TMEM41A: variants seen among roughly 807,000 people sequenced by gnomAD.
The protein encoded by TMEM41A is transmembrane protein 41A.
TMEM41A carries 20 observed loss-of-function variants against 25.7 expected under a neutral mutation model. The ratio of observed to expected loss-of-function variants is 0.78; its 90% confidence interval spans 0.55 to 1.13. The LOEUF is 1.13. TMEM41A is among the 50% of genes most tolerant of loss of function. The pLI is 0.00. For missense variants in TMEM41A, 299 were observed against 314.3 expected (o/e 0.95, Z 0.37); for synonymous variants, 133 against 139.6 (o/e 0.95, Z 0.33).
intron 1 of TMEM41A, among the ~76,000 whole-genome samples, chr3:185,498,081 A>ACCCC (rs573414045): frequency 2.4e-5 from 2 of 85,098 alleles, no homozygotes; most frequent in African/African-American, 8.9e-5. Context: ...ACATAATGAG[A>ACCCC]CCCCCCCCCC....
Position 185,490,460 on chromosome 3 carries a change from A to T in TMEM41A, c.*1077T>A, listed in dbSNP as rs1159710200. 6.6e-6 allele frequency: 1 copy of T among 152,192 alleles called. No homozygotes were observed. Among genetic ancestry groups the T allele is most frequent in the East Asian group, 1.9e-4 (1 of 5,198 alleles). 9.4% of individuals were successfully genotyped at this position (152,192 alleles called of 1,614,324 possible). A position where few individuals can be genotyped will look rare whatever the true frequency, so the allele number is the denominator to read the frequency against. On this transcript the variant is annotated 3_prime_UTR_variant, in exon 5 of 5. Coordinates refer to ENST00000421852, the MANE Select transcript of TMEM41A (RefSeq NM_080652.4). ...TCAGGTGAGTCAAGGGCCCTGCCCC[A>T]TCCAGATGGGTAAGAATTTCTCCAG...
chr3:185,491,622 G>C lies in TMEM41A; in HGVS notation c.710C>G (p.Thr237Ser). Residue 237 changes from threonine (T) to serine (S), a missense_variant, in exon 5 of 5, where the codon ACC (threonine) becomes AGC (serine). Thr to Ser is a moderately conservative substitution (Grantham distance 58). Transcript: ENST00000421852. ...TTTCTGACTAAATTTTTTAATGAGG[G>C]TTCCAGGAATTAATGCCACCATGGC... is the stretch of plus-strand genomic sequence containing the variant. ...AIAMVALIPG[T>S]LIKKFSQKHL... is the part of the protein sequence containing the mutation. 1 of 1,614,168 alleles carries C rather than the reference G, an allele frequency of 6.2e-7. No homozygotes were observed. The highest frequency in any genetic ancestry group is 1.3e-5 in the African/African-American group (1 of 75,032).
chr3:185,497,035 A>G (rs1719124301), intron 1 of TMEM41A, 54 bp from the exon 2 acceptor site: 2 of 1,540,588 alleles, frequency 1.3e-6, no homozygotes, highest in Admixed American at 4.0e-5. Context: ...TCCAGTGCCC[A>G]TGAAAGTCAC....
chr3:185,499,016 G>A lies in TMEM41A; in HGVS notation c.-55C>T, dbSNP rs1719200044. On this transcript the variant is annotated 5_prime_UTR_variant, in exon 1 of 5. Coordinates refer to ENST00000421852, the MANE Select transcript of TMEM41A (RefSeq NM_080652.4). ...GCCGAGAAGCTCACTTGCACTCCGG[G>A]ACGCAGCGGCGGGCGGACTGAGCCC... 2.0e-6 allele frequency: 3 copies of A among 1,484,804 alleles called. No homozygotes were observed. Among genetic ancestry groups the A allele is most frequent in the South Asian group, 2.4e-5 (2 of 82,804 alleles). 92.0% of individuals were successfully genotyped at this position (1,484,804 alleles called of 1,614,324 possible). A position where few individuals can be genotyped will look rare whatever the true frequency, so the allele number is the denominator to read the frequency against.
chr3:185,493,332 C>T (rs375993850), intron 4 of TMEM41A: 207 of 152,012 alleles, frequency 1.4e-3, no homozygotes, highest in African/African-American at 4.7e-3. Flanking sequence ...CAAGGAGAAA[C>T]TTTAGATATC....
intron 4 of TMEM41A, chr3:185,493,189 G>A (rs1157498151): frequency 6.6e-6 from 1 of 152,196 alleles, no homozygotes; most frequent in Non-Finnish European, 1.5e-5. Flanking sequence ...TAGGATGTTA[G>A]CACTTTACCA....
chr3:185,498,692 G>A, intron 1 of TMEM41A, 151 bp downstream of exon 1: 1 of 642,896 alleles, frequency 1.6e-6, no homozygotes, highest in East Asian at 3.0e-5. Flanking sequence ...CGCGGGCCCG[G>A]ATACCAGACC....
intron 1 of TMEM41A, 65 bp from the exon 2 acceptor site, chr3:185,497,046 T>C (rs1719124674): frequency 6.6e-7 from 1 of 1,519,874 alleles, no homozygotes. Flanking sequence ...TGAAAGTCAC[T>C]CGCTGTGTCT....
chr3:185,497,095 A>C, intron 1 of TMEM41A, 114 bp from the exon 2 acceptor site: 1 of 1,313,634 alleles, frequency 7.6e-7, no homozygotes, highest in Non-Finnish European at 1.0e-6. Context: ...CCATCATCTG[A>C]TCTGCTGGGA....
At chr3:185,494,082 G>A (rs180982053) in intron 4 of TMEM41A, 2 of 152,350 alleles carry the variant, frequency 1.3e-5, no homozygotes, top group African/African-American at 4.8e-5. Context: ...GAGAAACACT[G>A]CTCTATTCCT....
Position 185,498,996 on chromosome 3 carries a change from G to C in TMEM41A, c.-35C>G, listed in dbSNP as rs753178838. The stretch of plus-strand genomic sequence containing the variant: ...GCACCCCGGCCCGCGGGGCAGCCGA[G>C]AAGCTCACTTGCACTCCGGGACGCA... On this transcript the variant is annotated 5_prime_UTR_variant, in exon 1 of 5. Transcript: ENST00000421852. 2.6e-6 allele frequency: 4 copies of C among 1,558,330 alleles called. No individual in the cohort carries two copies. The African/African-American group carries it at 4.1e-5, about 16-fold the overall frequency.
Position 185,495,251 on chromosome 3 carries a change from G to A in TMEM41A, c.338C>T (p.Ser113Leu), listed in dbSNP as rs758579316. 2.4e-5 allele frequency: 39 copies of A among 1,613,684 alleles called. No homozygotes were observed. The East Asian group carries it at 3.6e-4, about 15-fold the overall frequency. The change falls in exon 3 of 5, where the codon TCG (serine) becomes TTG (leucine). Residue 113 changes from serine to leucine, a missense_variant. By Grantham distance (145) the Ser-to-Leu change is moderately radical (BLOSUM62 -2). Coordinates refer to ENST00000421852, the MANE Select transcript of TMEM41A (RefSeq NM_080652.4). ...CAGGTAGCAGCATGTGGCACCCACC[G>A]AGGTCAACACACAGCACAGCAGAAG... ...LGLLLCCVLT[S>L]VGATCCYLLS...
rs781779192 is a variant in TMEM41A, at chr3:185,491,640, A to G, written c.692T>C (p.Val231Ala). The G allele has an allele frequency of 4.3e-6, 7 of 1,614,128 alleles. No individual in the cohort carries two copies. The Admixed American group carries it at 1.0e-4, about 23-fold the overall frequency. Reference protein sequence around the residue: ...TVFKLLAIAMVALIPGTLIKK... With the variant: ...TVFKLLAIAMAALIPGTLIKK... ...AATGAGGGTTCCAGGAATTAATGCC[A>G]CCATGGCAATGGCCAACAGCTTAAA... is the stretch of plus-strand genomic sequence containing the variant. The change falls in exon 5 of 5, where the codon GTG (valine) becomes GCG (alanine). Residue 231 changes from valine to alanine, a missense_variant. Coordinates refer to ENST00000421852, the MANE Select transcript of TMEM41A (RefSeq NM_080652.4).
rs561991181 is a variant in TMEM41A, at chr3:185,498,190, GGGA to G, written c.119+650_119+652del. ...TGAGGCAGGTGAATCGCTTGAACCCGGGAGGAGGAGGTTAAAGTGAGCCGAGAT... is the reference window on the plus strand; with the variant it reads ...TGAGGCAGGTGAATCGCTTGAACCCGGGAGGAGGTTAAAGTGAGCCGAGAT... On this transcript the variant is annotated intron_variant, in intron 1 of 4. Coordinates refer to ENST00000421852, the MANE Select transcript of TMEM41A (RefSeq NM_080652.4). 1.1e-4 allele frequency among the ~76,000 whole-genome samples: 17 copies of G among 149,540 alleles called. 2 individuals carry two copies. In the South Asian group the frequency reaches 3.0e-3, roughly 26 times the overall value.
intron 3 of TMEM41A, 97 bp downstream of exon 3, chr3:185,495,057 G>A (rs1719060627): frequency 1.4e-6 from 2 of 1,429,006 alleles, no homozygotes; most frequent in Admixed American, 1.8e-5. Flanking sequence ...CAGCGTGGAA[G>A]AGTACTGTGG....
At chr3:185,495,010 C>T (rs1210004237) in intron 3 of TMEM41A, 144 bp downstream of exon 3, 3 of 1,089,480 alleles carry the variant, frequency 2.8e-6, no homozygotes, top group Admixed American at 2.3e-5. Flanking sequence ...TCTATGTCTC[C>T]TGAAGACATC....
Position 185,491,760 on chromosome 3 carries a change from G to T in TMEM41A, c.575-3C>A. On this transcript the variant is annotated splice_polypyrimidine_tract_variant and splice_region_variant and intron_variant, in intron 4 of 4. Transcript: ENST00000421852. ...GATGAAATTATATGGGATCAAACCT[G>T]GAAGAAGAAAAGGACAAAGCACCTG... 3 of 1,595,224 alleles carry T rather than the reference G, an allele frequency of 1.9e-6. No individual in the cohort carries two copies. Among genetic ancestry groups the T allele is most frequent in the Non-Finnish European group, 2.6e-6 (3 of 1,169,986 alleles).
At position 185,494,760 on chromosome 3, in the gene TMEM41A, A is replaced by C. The variant is rs1157973424; in HGVS notation, c.437T>G (p.Val146Gly). Residue 146 changes from valine to glycine, a missense_variant and splice_region_variant, in exon 4 of 5, where the codon GTG becomes GGG. Coordinates refer to ENST00000421852, the MANE Select transcript of TMEM41A (RefSeq NM_080652.4). ...AAACAAGCTGTTTCTGTTCTCCTCCACCTGTAGCCAAAGAGAAGAAAGCTG... is the reference window on the plus strand; with the variant it reads ...AAACAAGCTGTTTCTGTTCTCCTCCCCCTGTAGCCAAAGAGAAGAAAGCTG... The part of the protein sequence containing the change: ...PDKVALLQRK[V>G]EENRNSLFFF... The C allele has an allele frequency of 6.3e-7, 1 of 1,599,076 alleles. No homozygotes were observed. Among genetic ancestry groups the C allele is most frequent in the Admixed American group, 1.8e-5 (1 of 56,134 alleles).
intron 1 of TMEM41A, chr3:185,498,600 C>T (rs1056187772): frequency 2.2e-6 from 1 of 453,462 alleles, no homozygotes; most frequent in Non-Finnish European, 3.9e-6. Flanking sequence ...ACGCCCTGCA[C>T]ACCCTGCAGC....
Sources: allele counts gnomAD v4.1 joint callset (sites outside exome capture counted in the v4.1 genomes callset), GRCh38; gene constraint gnomAD v4.1.1; transcripts MANE v1.5; gene names NCBI Gene and HGNC (gene_info 2026-07-23, HGNC 2026-07-21).